Variants in UBE2W observed in about 807,000 individuals in gnomAD.
UBE2W encodes ubiquitin-conjugating enzyme E2 W.
In UBE2W, 18 loss-of-function variants were observed where a neutral mutation model predicts 27.2. The observed-to-expected ratio is 0.66, with a 90% confidence interval of 0.46 to 0.98. The LOEUF is 0.98. Among genes scored for constraint, UBE2W ranks in the 50% least tolerant of loss-of-function variants. The pLI, the probability that UBE2W is intolerant of heterozygous loss-of-function variation, is 0.00. For synonymous variants in UBE2W, 53 were observed against 57.2 expected, an observed-to-expected ratio of 0.93 and a Z score of 0.33; for missense variants, 90 against 180.2, an observed-to-expected ratio of 0.50 and a Z score of 2.87.
chr8:73,844,624 G>A (rs1586511799), intron 1 of UBE2W, among the ~76,000 whole-genome samples: 2 of 150,956 alleles, frequency 1.3e-5, no homozygotes, highest in South Asian at 2.1e-4. Context: ...TGGGATGTGA[G>A]GAGCCCCTCT....
chr8:73,782,150 T>C (rs1309698894), downstream of UBE2W, among the ~76,000 whole-genome samples: 28 of 151,884 alleles, frequency 1.8e-4, no homozygotes, highest in African/African-American at 7.3e-5. Flanking sequence ...TGTTCCACCA[T>C]GTTGGCCAGA....
chr8:73,876,743 CG>C (rs1257864408), intron 1 of UBE2W, among the ~76,000 whole-genome samples: 4 of 152,076 alleles, frequency 2.6e-5, no homozygotes, highest in African/African-American at 9.7e-5. Flanking sequence ...CCAAGGCAGG[CG>C]GATCACCTGA....
intron 3 of UBE2W, among the ~76,000 whole-genome samples, chr8:73,811,221 T>C (rs73322675): frequency 0.031 from 4,773 of 152,206 alleles, 228 homozygotes; most frequent in African/African-American, 0.1. Flanking sequence ...AATACAAAAG[T>C]TGACCAAGTC....
At chr8:73,876,558 G>A (rs1173649045) in intron 1 of UBE2W, among the ~76,000 whole-genome samples, 1 of 152,150 alleles carries the variant, frequency 6.6e-6, no homozygotes, top group Admixed American at 6.5e-5. Flanking sequence ...ATAAGATTTC[G>A]ATGGAACAAG....
chr8:73,801,862 G>C (rs950915341), intron 5 of UBE2W, among the ~76,000 whole-genome samples: 1 of 152,166 alleles, frequency 6.6e-6, no homozygotes, highest in African/African-American at 2.4e-5. Context: ...AATTATCTGA[G>C]GGTATCTTAA....
chr8:73,826,696 CTG>C (rs1477331739), intron 2 of UBE2W, among the ~76,000 whole-genome samples: 2 of 152,118 alleles, frequency 1.3e-5, no homozygotes, highest in Non-Finnish European at 2.9e-5. Flanking sequence ...ACAGTTATAA[CTG>C]AAGTTATACT....
rs528238489 is a variant in UBE2W at position 73,819,676 on chromosome 8, T to C, written c.210+5471A>G. Among the ~76,000 whole-genome samples the C allele has an allele frequency of 1.5e-4, 23 of 152,356 alleles. No homozygotes were observed. In the South Asian group the frequency reaches 4.8e-3, roughly 32 times the overall value. On this transcript the variant is annotated intron_variant, in intron 3 of 5. Transcript: ENST00000602593. ...AAGATGCCTCATCTCTGTTTCCATATTAACAGACAAATTGTTTGTTGTTAT... is the reference window on the plus strand; with the variant it reads ...AAGATGCCTCATCTCTGTTTCCATACTAACAGACAAATTGTTTGTTGTTAT...
chr8:73,835,030 T>C (rs1181313626), intron 1 of UBE2W, among the ~76,000 whole-genome samples: 1 of 152,208 alleles, frequency 6.6e-6, no homozygotes, highest in Non-Finnish European at 1.5e-5. Context: ...GAAACACTGC[T>C]GCAGAAATCT....
At position 73,865,146 on chromosome 8, in the gene UBE2W, C is replaced by G. The variant is rs372437990; in HGVS notation, c.15+13662G>C. 4.0e-4 allele frequency among the ~76,000 whole-genome samples: 39 copies of G among 97,108 alleles called. No individual in the cohort carries two copies. In the East Asian group the frequency reaches 8.4e-3, roughly 21 times the overall value. The allele number at this position is 97,108 out of a possible 152,430, so 63.7% of individuals were successfully genotyped here. On this transcript the variant is annotated intron_variant, in intron 1 of 5. Transcript: ENST00000602593. ...AGCTGGGAGTGTGTGCATAGAATGA[C>G]AAATTCTTCACTGCTCTTTAAGTGT... is the stretch of plus-strand genomic sequence containing the variant.
At chr8:73,812,670 C>A (rs1809197653) in intron 3 of UBE2W, among the ~76,000 whole-genome samples, 1 of 152,086 alleles carries the variant, frequency 6.6e-6, no homozygotes, top group Non-Finnish European at 1.5e-5. Flanking sequence ...CATTAAAACA[C>A]AAGCAATACC....
intron 1 of UBE2W, among the ~76,000 whole-genome samples, chr8:73,849,370 G>C (rs1810968177): frequency 6.6e-6 from 1 of 151,844 alleles, no homozygotes; most frequent in Non-Finnish European, 1.5e-5. Flanking sequence ...AAATCAGCTG[G>C]GCATGGTGGC....
chr8:73,859,952 C>T (rs1025718366), intron 1 of UBE2W, among the ~76,000 whole-genome samples: 3 of 152,120 alleles, frequency 2.0e-5, no homozygotes, highest in Admixed American at 6.6e-5. Flanking sequence ...AAAAATAAAA[C>T]ATTTGGAAAA....
At chr8:73,842,239 T>C (rs1056814833) in intron 1 of UBE2W, among the ~76,000 whole-genome samples, 6 of 151,974 alleles carry the variant, frequency 3.9e-5, no homozygotes, top group Non-Finnish European at 7.4e-5. Context: ...CCGTTAAGAA[T>C]GACGTGGGGC....
rs1807990588 is a variant in UBE2W at position 73,787,158 on chromosome 8, A to G, written c.*6944T>C. 1 of 985,352 alleles carries G rather than the reference A, an allele frequency of 1.0e-6. No individual in the cohort carries two copies. Among genetic ancestry groups the G allele is most frequent in the Admixed American group, 6.1e-5 (1 of 16,266 alleles). 61.0% of individuals were successfully genotyped at this position (985,352 alleles called of 1,614,324 possible). A position where few individuals can be genotyped will look rare whatever the true frequency, so the allele number is the denominator to read the frequency against. On this transcript the variant is annotated 3_prime_UTR_variant, in exon 6 of 6. Transcript: ENST00000602593. The stretch of plus-strand genomic sequence containing the variant: ...GGCAAACATTAAAAATAAATCTTAC[A>G]GGCAACTAAAAAAATGGTTGAAAGG...
intron 1 of UBE2W, among the ~76,000 whole-genome samples, chr8:73,853,200 T>G (rs927229385): frequency 3.3e-5 from 5 of 152,192 alleles, no homozygotes; most frequent in Non-Finnish European, 5.9e-5. Context: ...CTTCCCAGCC[T>G]CCAGAACTGT....
chr8:73,855,223 A>T (rs965092776), intron 1 of UBE2W, among the ~76,000 whole-genome samples: 3 of 152,150 alleles, frequency 2.0e-5, no homozygotes, highest in Non-Finnish European at 2.9e-5. Flanking sequence ...GTGAGAGAGC[A>T]CTTTTTACTG....
intron 1 of UBE2W, among the ~76,000 whole-genome samples, chr8:73,869,271 T>C (rs890914433): frequency 4.6e-5 from 7 of 152,158 alleles, no homozygotes; most frequent in African/African-American, 1.7e-4. Context: ...AAAAGCTTTT[T>C]TTAAGGCCGG....
intron 1 of UBE2W, among the ~76,000 whole-genome samples, chr8:73,837,617 T>G (rs1337396225): frequency 1.3e-5 from 2 of 152,340 alleles, no homozygotes; most frequent in South Asian, 4.1e-4. Flanking sequence ...TTAAAATTGA[T>G]TTAAAAATAT....
At chr8:73,877,441 G>A in intron 1 of UBE2W, among the ~76,000 whole-genome samples, 1 of 152,112 alleles carries the variant, frequency 6.6e-6, no homozygotes, top group Non-Finnish European at 1.5e-5. Flanking sequence ...GAGAAGCAAG[G>A]TAAAGAGAAT....
Sources: gnomAD v4.1 joint callset for allele counts (sites outside exome capture counted in the v4.1 genomes callset) on GRCh38, gnomAD v4.1.1 for gene constraint, MANE v1.5 for transcripts, NCBI Gene and HGNC (gene_info 2026-07-23, HGNC 2026-07-21) for gene names.